Variants in AGMO observed in about 807,000 individuals in gnomAD.
AGMO encodes the protein alkylglycerol monooxygenase.
AGMO carries 75 observed loss-of-function variants against 60.2 expected under a neutral mutation model. That is an observed-to-expected ratio of 1.25 (90% CI 1.03 to 1.51). The LOEUF is 1.51. AGMO is among the 40% of genes most tolerant of loss of function. The pLI is 0.00. For synonymous variants in AGMO, 261 were observed against 177.1 expected, an observed-to-expected ratio of 1.47 and a Z score of -3.76; for missense variants, 763 against 525.5, an observed-to-expected ratio of 1.45 and a Z score of -4.42.
At chr7:15,381,515 C>T (rs1420726998) in intron 10 of AGMO, among the ~76,000 whole-genome samples, 1 of 151,810 alleles carries the variant, frequency 6.6e-6, no homozygotes, top group Admixed American at 6.6e-5. Flanking sequence ...TTATTAAAAA[C>T]TCAAAAAATA....
chr7:15,244,156 T>C (rs376140083), intron 12 of AGMO, among the ~76,000 whole-genome samples: 2 of 148,722 alleles, frequency 1.3e-5, no homozygotes, highest in South Asian at 2.1e-4. Flanking sequence ...TAAAAATGCA[T>C]ATATATAATT....
Position 15,418,567 on chromosome 7 carries a change from G to C in AGMO, c.600C>G (p.Ile200Met). The C allele has an allele frequency of 3.2e-6, 5 of 1,586,472 alleles. No homozygotes were observed. The South Asian group carries it at 5.7e-5, about 18-fold the overall frequency. ...LQFNLLYQFW[I>M]HTEVINNLGP... The stretch of plus-strand genomic sequence containing the variant: ...TAAAAAAAAGTTTTACCTCTGTATG[G>C]ATCCAAAATTGGTAAAGAAGATTGA... Residue 200 changes from isoleucine to methionine, a missense_variant, in exon 5 of 13, where the codon ATC (isoleucine) becomes ATG (methionine). Coordinates refer to ENST00000342526, the MANE Select transcript of AGMO (RefSeq NM_001004320.2).
At chr7:15,540,186 G>A (rs1357787235) in intron 3 of AGMO, among the ~76,000 whole-genome samples, 2 of 152,098 alleles carry the variant, frequency 1.3e-5, no homozygotes, top group Non-Finnish European at 2.9e-5. Context: ...TCCCACACAT[G>A]TACTCATACA....
chr7:15,517,383 C>G (rs1455349653), intron 3 of AGMO, among the ~76,000 whole-genome samples: 1 of 150,344 alleles, frequency 6.7e-6, no homozygotes, highest in East Asian at 2.0e-4. Context: ...GCAAGATGGT[C>G]GAATAGAAAC....
intron 3 of AGMO, among the ~76,000 whole-genome samples, chr7:15,440,950 G>A (rs1781539572): frequency 6.6e-6 from 1 of 152,094 alleles, no homozygotes; most frequent in South Asian, 2.1e-4. Context: ...GCTGCTAATG[G>A]CCAAGACCCA....
chr7:15,223,692 C>T (rs939215217), intron 12 of AGMO, among the ~76,000 whole-genome samples: 1 of 151,928 alleles, frequency 6.6e-6, no homozygotes, highest in African/African-American at 2.4e-5. Flanking sequence ...TCTTCTCTAG[C>T]ACCTAGACAA....
chr7:15,355,682 A>G lies in AGMO; in HGVS notation c.1263+9832T>C, dbSNP rs967995873. ...GATATATCAGCACTATATGGAAAAA[A>G]TTGATGTCTATCTGAATTAATAATA... On this transcript the variant is annotated intron_variant, in intron 12 of 12. Transcript: ENST00000342526. 9.2e-5 allele frequency among the ~76,000 whole-genome samples: 14 copies of G among 152,112 alleles called. 1 individual carries two copies. The highest frequency in any genetic ancestry group is 3.1e-4 in the African/African-American group (13 of 41,418).
intron 3 of AGMO, among the ~76,000 whole-genome samples, chr7:15,536,185 A>G (rs945940729): frequency 6.6e-6 from 1 of 151,910 alleles, no homozygotes; most frequent in African/African-American, 2.4e-5. Context: ...GTATACTATT[A>G]CCATTATTAT....
At chr7:15,475,683 T>G (rs1782576523) in intron 3 of AGMO, among the ~76,000 whole-genome samples, 1 of 151,950 alleles carries the variant, frequency 6.6e-6, no homozygotes, top group Non-Finnish European at 1.5e-5. Context: ...ACTTAAAGTA[T>G]AATTTTAAAA....
intron 2 of AGMO, among the ~76,000 whole-genome samples, chr7:15,554,128 T>G (rs959127915): frequency 6.6e-6 from 1 of 151,920 alleles, no homozygotes; most frequent in Non-Finnish European, 1.5e-5. Context: ...TTGCAGAAAA[T>G]AGCACCTACA....
intron 3 of AGMO, among the ~76,000 whole-genome samples, chr7:15,524,286 T>G (rs1371972506): frequency 6.6e-6 from 1 of 152,026 alleles, no homozygotes; most frequent in Non-Finnish European, 1.5e-5. Flanking sequence ...ACAGGAAGAA[T>G]ATGCTGGGTA....
intron 12 of AGMO, among the ~76,000 whole-genome samples, chr7:15,210,156 T>C (rs1171481457): frequency 1.3e-5 from 2 of 152,128 alleles, no homozygotes; most frequent in Non-Finnish European, 2.9e-5. Context: ...GGGACAATAA[T>C]TTTTCTTTTT....
chr7:15,467,418 T>C (rs904746370), intron 3 of AGMO, among the ~76,000 whole-genome samples: 11 of 152,222 alleles, frequency 7.2e-5, no homozygotes, highest in Non-Finnish European at 1.5e-4. Flanking sequence ...ACAATATAAT[T>C]AGTTACATTA....
chr7:15,347,356 A>G, intron 12 of AGMO, among the ~76,000 whole-genome samples: 1 of 152,056 alleles, frequency 6.6e-6, no homozygotes, highest in East Asian at 1.9e-4. Context: ...GGTTTCTCCC[A>G]CTTATAAAAT....
intron 12 of AGMO, among the ~76,000 whole-genome samples, chr7:15,358,005 T>C (rs1782606281): frequency 6.6e-6 from 1 of 152,120 alleles, no homozygotes; most frequent in Non-Finnish European, 1.5e-5. Flanking sequence ...GAAGAACCCA[T>C]GAAAGTATGA....
chr7:15,268,677 A>C (rs1783506668), intron 12 of AGMO, among the ~76,000 whole-genome samples: 1 of 151,752 alleles, frequency 6.6e-6, no homozygotes, highest in Non-Finnish European at 1.5e-5. Context: ...AATGATACAT[A>C]GTCAAATAAA....
chr7:15,380,466 T>G (rs1167192687), intron 10 of AGMO, among the ~76,000 whole-genome samples: 1 of 151,896 alleles, frequency 6.6e-6, no homozygotes, highest in Non-Finnish European at 1.5e-5. Context: ...AGGTGAAAGA[T>G]CTCTAGAAGG....
At chr7:15,432,381 C>CACACACACACATATATAT (rs1781279499) in intron 3 of AGMO, among the ~76,000 whole-genome samples, 1 of 141,866 alleles carries the variant, frequency 7.0e-6, no homozygotes, top group African/African-American at 2.7e-5. Context: ...TATATATATA[C>CACACACACACATATATAT]ACTATCTGGG....
At chr7:15,488,973 G>C (rs1421946067) in intron 3 of AGMO, among the ~76,000 whole-genome samples, 4 of 152,116 alleles carry the variant, frequency 2.6e-5, no homozygotes, top group Middle Eastern at 3.2e-3. Context: ...GAATGACTTG[G>C]AAAAGTTACG....
Sources: allele counts gnomAD v4.1 joint callset (sites outside exome capture counted in the v4.1 genomes callset), GRCh38; gene constraint gnomAD v4.1.1; transcripts MANE v1.5; gene names NCBI Gene and HGNC (gene_info 2026-07-23, HGNC 2026-07-21).